PTPRN2: variants seen among roughly 807,000 people sequenced by gnomAD.
PTPRN2 encodes the protein receptor-type tyrosine-protein phosphatase N2.
Under a neutral mutation model 118.8 loss-of-function variants are expected in PTPRN2, and 74 were observed. The observed-to-expected ratio is 0.62, with a 90% confidence interval of 0.52 to 0.76. The LOEUF is 0.76. Among genes scored for constraint, PTPRN2 ranks in the 30% least tolerant of loss-of-function variants. The pLI is 0.00. For synonymous variants in PTPRN2, 641 were observed against 608.0 expected (o/e 1.05, Z -0.80); for missense variants, 1,481 against 1,394.4 (o/e 1.06, Z -0.99).
chr7:158,432,377 CA>C (rs1381931876), intron 2 of PTPRN2, among the ~76,000 whole-genome samples: 2 of 152,220 alleles, frequency 1.3e-5, no homozygotes, highest in East Asian at 3.9e-4. Flanking sequence ...TCCTGTAACA[CA>C]GAGCTCAGAT....
chr7:158,344,740 CG>C (rs1215928889), intron 2 of PTPRN2, among the ~76,000 whole-genome samples: 1 of 151,986 alleles, frequency 6.6e-6, no homozygotes, highest in Non-Finnish European at 1.5e-5. Flanking sequence ...TGACGGTGCA[CG>C]ATTTGCAATG....
At chr7:157,995,318 T>TA (rs558255068) in intron 11 of PTPRN2, among the ~76,000 whole-genome samples, 61 of 139,652 alleles carry the variant, frequency 4.4e-4, no homozygotes, top group African/African-American at 1.5e-3. Flanking sequence ...TCCTTGTTCC[T>TA]AAATCAATGC....
intron 3 of PTPRN2, among the ~76,000 whole-genome samples, chr7:158,315,749 C>A (rs1586224330): frequency 6.6e-6 from 1 of 152,216 alleles, no homozygotes; most frequent in East Asian, 1.9e-4. Context: ...ACAAGGGCAA[C>A]TGGGGAAGAG....
intron 12 of PTPRN2, among the ~76,000 whole-genome samples, chr7:157,789,318 CT>C (rs1383442040): frequency 6.6e-6 from 1 of 152,216 alleles, no homozygotes; most frequent in African/African-American, 2.4e-5. Flanking sequence ...TGTTTCTAAG[CT>C]GCCTGTTGGG....
chr7:158,193,746 C>G (rs561682230), intron 4 of PTPRN2, among the ~76,000 whole-genome samples: 9 of 152,202 alleles, frequency 5.9e-5, no homozygotes, highest in Admixed American at 2.6e-4. Context: ...TCACAGCCCC[C>G]ACGGAGGCCT....
Position 157,540,711 on chromosome 7 carries a change from C to A in PTPRN2, c.*3G>T. 1 of 1,556,644 alleles carries A rather than the reference C, an allele frequency of 6.4e-7. No individual in the cohort carries two copies. The highest frequency in any genetic ancestry group is 8.7e-7 in the Non-Finnish European group (1 of 1,148,688). On this transcript the variant is annotated 3_prime_UTR_variant, in exon 23 of 23. Coordinates refer to ENST00000389418, the MANE Select transcript of PTPRN2 (RefSeq NM_002847.5). The stretch of plus-strand genomic sequence containing the variant: ...GCTCCCCTGAGGCCCCTGAGGCTGC[C>A]GCTCACTGGGGAAGGGCCTTGAGGA...
intron 12 of PTPRN2, among the ~76,000 whole-genome samples, chr7:157,807,797 G>C (rs1414830170): frequency 6.6e-6 from 1 of 152,234 alleles, no homozygotes; most frequent in African/African-American, 2.4e-5. Flanking sequence ...AAGTGGTTCT[G>C]GGGACAGTGG....
chr7:158,197,772 C>T (rs955805901), intron 4 of PTPRN2, among the ~76,000 whole-genome samples: 1 of 152,064 alleles, frequency 6.6e-6, no homozygotes, highest in African/African-American at 2.4e-5. Context: ...CTTATAAAAC[C>T]ATCAGATCTC....
intron 10 of PTPRN2, among the ~76,000 whole-genome samples, chr7:158,105,848 A>G (rs1815640472): frequency 6.6e-6 from 1 of 151,100 alleles, no homozygotes; most frequent in Non-Finnish European, 1.5e-5. Context: ...ATCCAGCTCC[A>G]TTGCAGCTCC....
rs555728185 is a variant in PTPRN2 at position 157,664,005 on chromosome 7, C to A, written c.2002-7454G>T. Among the ~76,000 whole-genome samples the A allele has an allele frequency of 3.9e-5, 6 of 152,292 alleles. 1 individual carries two copies. The East Asian group carries it at 1.2e-3, about 29-fold the overall frequency. Reference sequence around the variant, plus strand: ...TAGGTTATAATTTGGGACATTTCCACCCTGCATGAGGTGACTCTAACCCTC... The same window carrying A: ...TAGGTTATAATTTGGGACATTTCCAACCTGCATGAGGTGACTCTAACCCTC... On this transcript the variant is annotated intron_variant, in intron 13 of 22. Coordinates refer to ENST00000389418, the MANE Select transcript of PTPRN2 (RefSeq NM_002847.5).
At chr7:157,851,804 GACGCTC>G (rs1173180282) in intron 12 of PTPRN2, among the ~76,000 whole-genome samples, 1 of 152,260 alleles carries the variant, frequency 6.6e-6, no homozygotes, top group East Asian at 1.9e-4. Flanking sequence ...AGTGATGTGA[GACGCTC>G]ACATGGCAAA....
At chr7:157,776,291 C>CCT (rs1803232207) in intron 12 of PTPRN2, among the ~76,000 whole-genome samples, 1 of 134,468 alleles carries the variant, frequency 7.4e-6, no homozygotes, top group Non-Finnish European at 1.6e-5. Context: ...TCCTCCCTGT[C>CCT]CTCCTTCTCC....
intron 2 of PTPRN2, among the ~76,000 whole-genome samples, chr7:158,368,762 C>T (rs1421109440): frequency 6.6e-6 from 1 of 152,208 alleles, no homozygotes; most frequent in African/African-American, 2.4e-5. Flanking sequence ...CTCGACCCCC[C>T]AAGTCTTCCT....
chr7:158,205,001 T>C (rs919135375), intron 4 of PTPRN2, among the ~76,000 whole-genome samples, 170 bp downstream of exon 4: 6 of 152,192 alleles, frequency 3.9e-5, no homozygotes, highest in Non-Finnish European at 8.8e-5. Flanking sequence ...TCGCTTTCTC[T>C]CATGGGAACC....
At chr7:158,332,585 C>T (rs1210899215) in intron 2 of PTPRN2, among the ~76,000 whole-genome samples, 5 of 148,468 alleles carry the variant, frequency 3.4e-5, no homozygotes, top group African/African-American at 7.9e-5. Context: ...TCACTCACAC[C>T]CACACTCTCA....
chr7:158,233,700 A>T (rs1443121667), intron 3 of PTPRN2, among the ~76,000 whole-genome samples: 2 of 152,248 alleles, frequency 1.3e-5, no homozygotes, highest in Non-Finnish European at 2.9e-5. Context: ...TGGAGGTCTC[A>T]TATGACCTGA....
In PTPRN2 at chr7:157,849,290, G is replaced by T. The variant is rs536883609; in HGVS notation, c.1788+49383C>A. Among the ~76,000 whole-genome samples the T allele has an allele frequency of 1.3e-4, 20 of 152,342 alleles. No individual in the cohort carries two copies. In the South Asian group the frequency reaches 4.2e-3, roughly 32 times the overall value. On this transcript the variant is annotated intron_variant, in intron 12 of 22. Coordinates refer to ENST00000389418, the MANE Select transcript of PTPRN2 (RefSeq NM_002847.5). ...CAGGCTGGGATGGAGGAGGCAGCAT[G>T]AGGCCACCGTCATTCCCAGTGTGTG... is the stretch of plus-strand genomic sequence containing the variant.
intron 12 of PTPRN2, chr7:157,857,968 A>C (rs537114091): frequency 6.5e-6 from 1 of 154,802 alleles, no homozygotes; most frequent in South Asian, 1.9e-4. Context: ...GGTATGAGAA[A>C]GCCTTGTGAG....
intron 2 of PTPRN2, among the ~76,000 whole-genome samples, chr7:158,441,843 T>C (rs796901038): frequency 2.5e-5 from 2 of 79,876 alleles, no homozygotes; most frequent in East Asian, 4.6e-4. Flanking sequence ...ATGGCAGTGG[T>C]GGTGATGGTG....
Sources: allele counts gnomAD v4.1 joint callset (sites outside exome capture counted in the v4.1 genomes callset), GRCh38; gene constraint gnomAD v4.1.1; transcripts MANE v1.5; gene names NCBI Gene and HGNC (gene_info 2026-07-23, HGNC 2026-07-21).